The following GPR135 variants were observed in gnomAD, a reference collection of about 807,000 sequenced individuals.
The protein encoded by GPR135 is G protein-coupled receptor 135.
Under a neutral mutation model 15.0 loss-of-function variants are expected in GPR135, and 17 were observed. That is an observed-to-expected ratio of 1.13 (90% CI 0.78 to 1.70). GPR135 has a LOEUF of 1.70. GPR135 is among the 40% of genes most tolerant of loss of function. The pLI, the probability that GPR135 is intolerant of heterozygous loss-of-function variation, is 0.00. For synonymous variants in GPR135, 368 were observed against 349.4 expected (o/e 1.05, Z -0.59); for missense variants, 776 against 727.0 (o/e 1.07, Z -0.78).
chr14:59,462,462 T>C lies in GPR135; in HGVS notation c.*1280A>G, dbSNP rs1254793219. On this transcript the variant is annotated 3_prime_UTR_variant, in exon 1 of 1. Transcript: ENST00000395116. ...ATTTCTAAAGATATTTTCAGTTTGC[T>C]TGAAGTTCTTCTCCAACTTTATGCC... 2.0e-5 allele frequency: 3 copies of C among 152,266 alleles called. No individual in the cohort carries two copies. The highest frequency in any genetic ancestry group is 4.4e-5 in the Non-Finnish European group (3 of 68,034). The allele number at this position is 152,266 out of a possible 1,614,324, so 9.4% of individuals were successfully genotyped here.
Position 59,464,765 on chromosome 14 carries a change from C to A in GPR135, c.462G>T (p.Leu154=), listed in dbSNP as rs770295613. The change falls in exon 1 of 1, where the codon CTG becomes CTT. Residue 154 remains leucine, a synonymous_variant. Transcript: ENST00000395116. The part of the protein sequence containing the change: ...SLSLSDLLTA[L]LCLPAAFLDL... ...CCAGGAAGGCGGCGGGCAGGCAGAG[C>A]AGCGCCGTGAGCAGATCCGATAGGG... 1.9e-6 allele frequency: 3 copies of A among 1,569,144 alleles called. No homozygotes were observed. The East Asian group carries it at 7.1e-5, about 37-fold the overall frequency.
downstream of GPR135, chr14:59,455,770 G>T (rs967705683): frequency 6.6e-6 from 1 of 152,230 alleles, no homozygotes; most frequent in Non-Finnish European, 1.5e-5. Context: ...ACTTGAGAAA[G>T]AGCAATGAGA....
intron 6 of GPR135, among the ~76,000 whole-genome samples, chr14:59,453,008 T>C (rs1888541230): frequency 6.6e-6 from 1 of 152,194 alleles, no homozygotes; most frequent in South Asian, 2.1e-4. Flanking sequence ...ATTCCAACTA[T>C]ATGACATTCT....
rs1273484895 is a variant in GPR135 at position 59,464,353 on chromosome 14, G to A, written c.874C>T (p.Leu292Phe). The A allele has an allele frequency of 3.1e-6, 5 of 1,608,564 alleles. No individual in the cohort carries two copies. Among genetic ancestry groups the A allele is most frequent in the Non-Finnish European group, 4.2e-6 (5 of 1,177,856 alleles). The change falls in exon 1 of 1, where the codon CTC becomes TTC. Residue 292 changes from leucine to phenylalanine, a missense_variant. By Grantham distance (22) the Leu-to-Phe change is conservative. Coordinates refer to ENST00000395116, the MANE Select transcript of GPR135 (RefSeq NM_022571.6). ...ATGTGGTAGTGGCAGAAGCACATGA[G>A]CAGGAAGGGCAGCAGGTAGCAGGCC... ...VVACYLLPFL[L>F]MCFCHYHICK...
chr14:59,460,724 A>T (rs2139768880), downstream of GPR135: 1 of 152,378 alleles, frequency 6.6e-6, no homozygotes, highest in South Asian at 2.1e-4. Context: ...AAATACCCAA[A>T]CTGGGAGCAG....
At position 59,463,721 on chromosome 14, in the gene GPR135, A is replaced by T. The variant is rs1888955086; in HGVS notation, c.*21T>A. Reference sequence around the variant, plus strand: ...AATGCGAGTGGAAATTTGCCTTCATAAGCTGGCCATTCCAACCGTCTTAGA... The same window carrying T: ...AATGCGAGTGGAAATTTGCCTTCATTAGCTGGCCATTCCAACCGTCTTAGA... On this transcript the variant is annotated 3_prime_UTR_variant, in exon 1 of 1. Coordinates refer to ENST00000395116, the MANE Select transcript of GPR135 (RefSeq NM_022571.6). The T allele has an allele frequency of 6.5e-7, 1 of 1,539,710 alleles. No homozygotes were observed. Among genetic ancestry groups the T allele is most frequent in the Non-Finnish European group, 8.8e-7 (1 of 1,142,126 alleles).
intron 6 of GPR135, among the ~76,000 whole-genome samples, chr14:59,455,175 C>T (rs1190202185): frequency 6.6e-6 from 1 of 151,954 alleles, no homozygotes; most frequent in African/African-American, 2.4e-5. Flanking sequence ...TGTATCCCTG[C>T]CCACCCTTGG....
Position 59,462,967 on chromosome 14 carries a change from G to T in GPR135, c.*775C>A, listed in dbSNP as rs1350574134. ...AAATTTATCAGAAATAAAAGTAACA[G>T]GTTAGAGTAAGGATAAAACTTCAAA... is the stretch of plus-strand genomic sequence containing the variant. On this transcript the variant is annotated 3_prime_UTR_variant, in exon 1 of 1. Coordinates refer to ENST00000395116, the MANE Select transcript of GPR135 (RefSeq NM_022571.6). 1 of 152,134 alleles carries T rather than the reference G, an allele frequency of 6.6e-6. No homozygotes were observed. The highest frequency in any genetic ancestry group is 6.5e-5 in the Admixed American group (1 of 15,270). 9.4% of individuals were successfully genotyped at this position (152,134 alleles called of 1,614,324 possible). A position where few individuals can be genotyped will look rare whatever the true frequency, so the allele number is the denominator to read the frequency against.
Position 59,463,523 on chromosome 14 carries a change from G to A in GPR135, c.*219C>T. On this transcript the variant is annotated 3_prime_UTR_variant, in exon 1 of 1. Coordinates refer to ENST00000395116, the MANE Select transcript of GPR135 (RefSeq NM_022571.6). The stretch of plus-strand genomic sequence containing the variant: ...CTTACAGTTCACAATGCTTGGTTAT[G>A]TGGTTTAAGATTGTTTTAATTTTTG... 2 of 553,084 alleles carry A rather than the reference G, an allele frequency of 3.6e-6. No individual in the cohort carries two copies. The highest frequency in any genetic ancestry group is 6.3e-6 in the Non-Finnish European group (2 of 317,976). The allele number at this position is 553,084 out of a possible 1,614,324, so 34.3% of individuals were successfully genotyped here. A position where few individuals can be genotyped will look rare whatever the true frequency, so the allele number is the denominator to read the frequency against.
rs201849909 is a variant in GPR135, at chr14:59,463,842, C to T, written c.1385G>A (p.Arg462His). 9 of 1,613,852 alleles carry T rather than the reference C, an allele frequency of 5.6e-6. No individual in the cohort carries two copies. The East Asian group carries it at 1.6e-4, about 28-fold the overall frequency. Reference protein sequence around the residue: ...GVAGDVAMWARKNPVVLFCRE... With the variant: ...GVAGDVAMWAHKNPVVLFCRE... ...GCAGAAAAGTACAACTGGATTTTTG[C>T]GGGCCCACATGGCCACGTCCCCTGC... The change falls in exon 1 of 1, where the codon CGC becomes CAC. Residue 462 changes from arginine (R) to histidine (H), a missense_variant. Arg to His is a conservative substitution (Grantham distance 29, BLOSUM62 0). Transcript: ENST00000395116.
At chr14:59,460,017 A>G (rs1888800253), downstream of GPR135, among the ~76,000 whole-genome samples, 1 of 152,196 alleles carries the variant, frequency 6.6e-6, no homozygotes, top group African/African-American at 2.4e-5. Flanking sequence ...ATTTTCTTGG[A>G]GAAGCAGCAC....
chr14:59,457,704 A>G (rs569213859), downstream of GPR135, among the ~76,000 whole-genome samples: 18 of 152,198 alleles, frequency 1.2e-4, 1 homozygote, highest in Middle Eastern at 0.02. Context: ...ATCTCTATTG[A>G]TGAGACATTT....
In GPR135 at chr14:59,461,713, T is replaced by C. The variant is rs1198048469; in HGVS notation, c.*2029A>G. 4 of 152,250 alleles carry C rather than the reference T, an allele frequency of 2.6e-5. No homozygotes were observed. The East Asian group carries it at 5.8e-4, about 22-fold the overall frequency. 9.4% of individuals were successfully genotyped at this position (152,250 alleles called of 1,614,324 possible). Reference sequence around the variant, plus strand: ...ACTATTTTGCAACACGCTCACCTCCTTACTCTAAGATCTCTAACCCTCTGC... The same window carrying C: ...ACTATTTTGCAACACGCTCACCTCCCTACTCTAAGATCTCTAACCCTCTGC... On this transcript the variant is annotated 3_prime_UTR_variant, in exon 1 of 1. Coordinates refer to ENST00000395116, the MANE Select transcript of GPR135 (RefSeq NM_022571.6).
Position 59,463,939 on chromosome 14 carries a change from G to A in GPR135, c.1288C>T (p.Leu430Phe), listed in dbSNP as rs752933876. ...PGLQARSRSR[L>F]RNRYANRLGA... is the part of the protein sequence containing the mutation. ...AGCCGGTTGGCATAGCGGTTTCGAAGGCGACTGCGGCTTCTGGCTTGCAGA... is the reference window on the plus strand; with the variant it reads ...AGCCGGTTGGCATAGCGGTTTCGAAAGCGACTGCGGCTTCTGGCTTGCAGA... The change falls in exon 1 of 1, where the codon CTT becomes TTT. Residue 430 changes from leucine (L) to phenylalanine (F), a missense_variant. Coordinates refer to ENST00000395116, the MANE Select transcript of GPR135 (RefSeq NM_022571.6). 7 of 1,613,946 alleles carry A rather than the reference G, an allele frequency of 4.3e-6. No individual in the cohort carries two copies. In the African/African-American group the frequency reaches 8.0e-5, roughly 18 times the overall value.
At chr14:59,457,141 C>T (rs140290663), downstream of GPR135, among the ~76,000 whole-genome samples, 4 of 152,242 alleles carry the variant, frequency 2.6e-5, no homozygotes, top group Admixed American at 6.5e-5. Flanking sequence ...CTCTACCTTC[C>T]GGCCTCCATT....
Position 59,464,881 on chromosome 14 carries a change from G to A in GPR135, c.346C>T (p.Leu116=). The change falls in exon 1 of 1, where the codon CTG becomes TTG. Residue 116 remains leucine (L), a synonymous_variant. Coordinates refer to ENST00000395116, the MANE Select transcript of GPR135 (RefSeq NM_022571.6). The part of the protein sequence containing the change: ...QALVLLLIFL[L]SSLGNCAVMG... Reference sequence around the variant, plus strand: ...ACCGCGCAGTTGCCAAGGCTAGACAGCAGGAAGATGAGCAGGAGGACGAGC... The same window carrying A: ...ACCGCGCAGTTGCCAAGGCTAGACAACAGGAAGATGAGCAGGAGGACGAGC... 2.5e-6 allele frequency: 4 copies of A among 1,606,370 alleles called. No homozygotes were observed. Among genetic ancestry groups the A allele is most frequent in the Non-Finnish European group, 3.4e-6 (4 of 1,177,144 alleles).
At chr14:59,457,098 G>GT (rs1422790229), downstream of GPR135, among the ~76,000 whole-genome samples, 2 of 152,152 alleles carry the variant, frequency 1.3e-5, no homozygotes, top group Non-Finnish European at 2.9e-5. Context: ...TTGGTTGACA[G>GT]TTTTTTCTTT....
chr14:59,465,134 G>A lies in GPR135; in HGVS notation c.93C>T (p.Gly31=), dbSNP rs751526147. The A allele has an allele frequency of 6.9e-4, 948 of 1,365,972 alleles. 11 individuals are homozygous for A. Among genetic ancestry groups the A allele is most frequent in the Middle Eastern group, 4.3e-3 (16 of 3,722 alleles). The allele number at this position is 1,365,972 out of a possible 1,614,324, so 84.6% of individuals were successfully genotyped here. The part of the protein sequence containing the change: ...SGAPSAAGPP[G]GTSSAATAAV... ...CCGCCGTGGCCGCGGAGGAAGTCCC[G>A]CCAGGTGGGCCGGCCGCGGAGGGGG... The change falls in exon 1 of 1, where the codon GGC becomes GGT. Residue 31 remains glycine (G), a synonymous_variant. Transcript: ENST00000395116.
At position 59,465,015 on chromosome 14, in the gene GPR135, C is replaced by T; in HGVS notation, c.212G>A (p.Gly71Asp). 7.5e-7 allele frequency: 1 copy of T among 1,334,966 alleles called. No homozygotes were observed. Among genetic ancestry groups the T allele is most frequent in the Non-Finnish European group, 9.6e-7 (1 of 1,047,104 alleles). 82.7% of individuals were successfully genotyped at this position (1,334,966 alleles called of 1,614,324 possible). The change falls in exon 1 of 1, where the codon GGC becomes GAC. Residue 71 changes from glycine to aspartate, a missense_variant. Gly to Asp is a moderately conservative substitution (Grantham distance 94). Transcript: ENST00000395116. ...GGTAAAPGGGGLGGSGAAREA... is the reference protein window; with the variant it reads ...GGTAAAPGGGDLGGSGAAREA... ...CCGCGCTGCCCCGGACCCGCCAAGG[C>T]CGCCGCCACCGGGAGCGGCAGCTGT...
Sources: gnomAD v4.1 joint callset for allele counts (sites outside exome capture counted in the v4.1 genomes callset) on GRCh38, gnomAD v4.1.1 for gene constraint, MANE v1.5 for transcripts, NCBI Gene and HGNC (gene_info 2026-07-23, HGNC 2026-07-21) for gene names.